IQANK1: variants seen among roughly 807,000 people sequenced by gnomAD.
The protein encoded by IQANK1 is IQ motif and ankyrin repeat containing 1, also known as IQ motif and ankyrin repeat domain-containing protein 1.
In IQANK1, 30 loss-of-function variants were observed where a neutral mutation model predicts 22.6. The observed-to-expected ratio is 1.33, with a 90% CI of 0.99 to 1.80. The LOEUF (loss-of-function observed/expected upper bound fraction) is 1.80. Ranked by LOEUF, IQANK1 falls within the 40% of genes most tolerant of loss-of-function variation. IQANK1 has a pLI of 0.00. For synonymous variants in IQANK1, 122 were observed against 99.6 expected, an observed-to-expected ratio of 1.23 and a Z score of -1.34; for missense variants, 275 against 235.2, an observed-to-expected ratio of 1.17 and a Z score of -1.11.
At chr8:143,754,670 G>A (rs1189803796) in intron 3 of IQANK1, among the ~76,000 whole-genome samples, 1 of 151,958 alleles carries the variant, frequency 6.6e-6, no homozygotes, top group Non-Finnish European at 1.5e-5. Flanking sequence ...CTGTTGCCCA[G>A]GCTGGAGTGC....
At chr8:143,780,444 C>T (rs1027580315) in intron 7 of IQANK1, among the ~76,000 whole-genome samples, 2 of 152,056 alleles carry the variant, frequency 1.3e-5, no homozygotes, top group Non-Finnish European at 2.9e-5. Context: ...AAGCCCAGTA[C>T]CCAATAGTTT....
chr8:143,748,852 T>TATATATCATATATAAATATATAA (rs1563770484), intron 3 of IQANK1, among the ~76,000 whole-genome samples: 42 of 113,966 alleles, frequency 3.7e-4, no homozygotes, highest in Non-Finnish European at 6.5e-4. Flanking sequence ...TATATAAATA[T>TATATATCATATATAAATATATAA]ATATATCATA....
intron 3 of IQANK1, among the ~76,000 whole-genome samples, chr8:143,752,961 T>TTGA (rs1819221090): frequency 6.6e-6 from 1 of 151,740 alleles, no homozygotes; most frequent in South Asian, 2.1e-4. Context: ...GTTGGCCCGT[T>TTGA]TGATGGTGTC....
chr8:143,740,032 T>C (rs1818860926), intron 3 of IQANK1, 84 bp downstream of exon 3: 3 of 611,270 alleles, frequency 4.9e-6, no homozygotes, highest in East Asian at 2.9e-5. Context: ...ACACGCTCAG[T>C]GTGGGCGCGC....
chr8:143,756,837 G>T (rs1319744914), intron 3 of IQANK1, among the ~76,000 whole-genome samples: 4 of 151,698 alleles, frequency 2.6e-5, no homozygotes, highest in Non-Finnish European at 4.4e-5. Flanking sequence ...AAGTAGCTGG[G>T]TGTGGTGGTG....
At chr8:143,783,724 T>G (rs963412579) in intron 7 of IQANK1, among the ~76,000 whole-genome samples, 3 of 152,228 alleles carry the variant, frequency 2.0e-5, no homozygotes, top group African/African-American at 7.2e-5. Flanking sequence ...TCCACTAGAA[T>G]AGACTTCTGT....
At chr8:143,749,153 T>C (rs1438452716) in intron 3 of IQANK1, among the ~76,000 whole-genome samples, 1 of 119,878 alleles carries the variant, frequency 8.3e-6, no homozygotes, top group Non-Finnish European at 1.5e-5. Context: ...ATACATGATA[T>C]AAATGTATAT....
intron 7 of IQANK1, among the ~76,000 whole-genome samples, chr8:143,778,959 G>A (rs1313038481): frequency 1.3e-5 from 2 of 152,120 alleles, no homozygotes; most frequent in Non-Finnish European, 2.9e-5. Flanking sequence ...GTAGAGATGG[G>A]GTTTTGCCAT....
chr8:143,742,136 C>A, intron 3 of IQANK1: 1 of 349,342 alleles, frequency 2.9e-6, no homozygotes, highest in Non-Finnish European at 5.7e-6. Flanking sequence ...CTGCTCCTCA[C>A]AGAGCCACCC....
At chr8:143,785,888 G>A (rs1401023796) in intron 7 of IQANK1, among the ~76,000 whole-genome samples, 1 of 151,986 alleles carries the variant, frequency 6.6e-6, no homozygotes, top group Non-Finnish European at 1.5e-5. Context: ...CACCACACCT[G>A]GCTAATTTTT....
chr8:143,759,409 G>A (rs1819353522), intron 3 of IQANK1: 2 of 153,674 alleles, frequency 1.3e-5, no homozygotes, highest in Admixed American at 1.3e-4. Flanking sequence ...AGAGTCCTAT[G>A]TCTGACTCCC....
intron 3 of IQANK1, among the ~76,000 whole-genome samples, chr8:143,761,446 T>C (rs1196391808): frequency 6.6e-6 from 1 of 152,260 alleles, no homozygotes; most frequent in Non-Finnish European, 1.5e-5. Context: ...TATATTTATC[T>C]GTTTTTGAAC....
At chr8:143,789,618 T>G in intron 10 of IQANK1, 90 bp downstream of exon 10, 1 of 1,225,216 alleles carries the variant, frequency 8.2e-7, no homozygotes, top group Non-Finnish European at 1.0e-6. Context: ...CTCCCAGGCC[T>G]GGGGTTTTTC....
At chr8:143,783,795 T>C (rs575779124) in intron 7 of IQANK1, among the ~76,000 whole-genome samples, 26 of 152,338 alleles carry the variant, frequency 1.7e-4, no homozygotes, top group African/African-American at 6.0e-4. Flanking sequence ...CTCATATGGA[T>C]GCACAGTTGT....
chr8:143,770,433 C>T (rs1192133370), intron 3 of IQANK1, among the ~76,000 whole-genome samples: 1 of 152,218 alleles, frequency 6.6e-6, no homozygotes, highest in Non-Finnish European at 1.5e-5. Flanking sequence ...CTTTATTCTC[C>T]TTCGCTGTGA....
chr8:143,770,098 T>A (rs782547464), intron 3 of IQANK1, among the ~76,000 whole-genome samples: 1 of 152,178 alleles, frequency 6.6e-6, no homozygotes, highest in Non-Finnish European at 1.5e-5. Flanking sequence ...TGAGACCCTG[T>A]CTCAAAAAGA....
chr8:143,734,795 C>T (rs1264054223), intron 1 of IQANK1, among the ~76,000 whole-genome samples: 3 of 151,906 alleles, frequency 2.0e-5, no homozygotes, highest in African/African-American at 7.3e-5. Context: ...GGACAAGGGA[C>T]CCAGTGTGCA....
rs540578290 is a variant in IQANK1, at chr8:143,776,388, A to G, written c.789+3906A>G. ...AAAATTGAGCAAAAACGTCTGATTT[A>G]TCCTCTCACTTCAAACAAGAACAAA... On this transcript the variant is annotated intron_variant, in intron 7 of 13. Coordinates refer to ENST00000527139, the MANE Select transcript of IQANK1 (RefSeq NM_001381874.1). 5.8e-4 allele frequency among the ~76,000 whole-genome samples: 88 copies of G among 152,102 alleles called. 1 individual carries two copies. The highest frequency in any genetic ancestry group is 1.7e-3 in the African/African-American group (71 of 41,524).
chr8:143,751,460 A>G (rs1329407978), intron 3 of IQANK1, among the ~76,000 whole-genome samples: 1 of 151,522 alleles, frequency 6.6e-6, no homozygotes, highest in Non-Finnish European at 1.5e-5. Context: ...AAAAATACAA[A>G]AATTAGTCGG....
Sources: gnomAD v4.1 joint callset for allele counts (sites outside exome capture counted in the v4.1 genomes callset) on GRCh38, gnomAD v4.1.1 for gene constraint, MANE v1.5 for transcripts, NCBI Gene and HGNC (gene_info 2026-07-23, HGNC 2026-07-21) for gene names.